ANKFN1: variants seen among roughly 807,000 people sequenced by gnomAD.
ANKFN1 encodes the protein ankyrin repeat and fibronectin type-III domain-containing protein 1.
Under a neutral mutation model 108.7 loss-of-function variants are expected in ANKFN1, and 74 were observed. The observed-to-expected ratio is 0.68, with a 90% CI of 0.56 to 0.83. The LOEUF (loss-of-function observed/expected upper bound fraction) is 0.83, where lower values mean the gene tolerates loss of function less well. Ranked by LOEUF, ANKFN1 falls within the 40% of genes least tolerant of loss-of-function variation. ANKFN1 has a pLI of 0.00. For missense variants in ANKFN1, 1,505 were observed against 1,382.3 expected (o/e 1.09, Z -1.41); for synonymous variants, 547 against 516.2 (o/e 1.06, Z -0.81).
chr17:56,245,784 AT>A (rs1413820338), intron 3 of ANKFN1: 1 of 152,262 alleles, frequency 6.6e-6, no homozygotes, highest in East Asian at 1.9e-4. Context: ...CTACTTTGAC[AT>A]TTCAACACAG....
At chr17:56,244,897 T>C (rs1917847665) in intron 3 of ANKFN1, among the ~76,000 whole-genome samples, 1 of 152,116 alleles carries the variant, frequency 6.6e-6, no homozygotes. Context: ...TTTTGTTCCA[T>C]TCAAATTTCA....
At chr17:56,371,183 C>T in intron 6 of ANKFN1, among the ~76,000 whole-genome samples, 1 of 152,090 alleles carries the variant, frequency 6.6e-6, no homozygotes, top group Non-Finnish European at 1.5e-5. Flanking sequence ...ACATGATTGA[C>T]TGCTACAGCA....
At chr17:56,145,686 C>T (rs1398186498) in intron 4 of ANKFN1, among the ~76,000 whole-genome samples, 1 of 152,132 alleles carries the variant, frequency 6.6e-6, no homozygotes. Context: ...GACACATAGC[C>T]AAACCATATT....
At chr17:56,458,714 G>A (rs2049799328) in intron 14 of ANKFN1, among the ~76,000 whole-genome samples, 3 of 152,224 alleles carry the variant, frequency 2.0e-5, no homozygotes, top group South Asian at 4.2e-4. Flanking sequence ...TGCTACATGG[G>A]ATTGGAGCCA....
In ANKFN1 at chr17:56,218,553, C is replaced by G. The variant is rs192068595; in HGVS notation, c.12+5874C>G. On this transcript the variant is annotated intron_variant, in intron 2 of 20. Transcript: ENST00000682825. Reference sequence around the variant, plus strand: ...AGCACATGCCCTGTCTCGGGGACTTCACACATGTTGTTTTCAGCAAAGAAT... The same window carrying G: ...AGCACATGCCCTGTCTCGGGGACTTGACACATGTTGTTTTCAGCAAAGAAT... Among the ~76,000 whole-genome samples, 370 of 152,246 alleles carry G rather than the reference C, an allele frequency of 2.4e-3. 1 individual carries two copies. Among genetic ancestry groups the G allele is most frequent in the Non-Finnish European group, 4.1e-3 (277 of 68,018 alleles).
At chr17:56,456,785 G>A in intron 11 of ANKFN1, 76 bp from the exon 12 acceptor site, 1 of 1,196,410 alleles carries the variant, frequency 8.4e-7, no homozygotes, top group Non-Finnish European at 1.2e-6. Flanking sequence ...GGGAAGGCAG[G>A]AAGGTAGGAA....
intron 5 of ANKFN1, among the ~76,000 whole-genome samples, chr17:56,352,981 A>G (rs1284628557): frequency 6.6e-6 from 1 of 152,186 alleles, no homozygotes; most frequent in East Asian, 1.9e-4. Context: ...GAGGAAAAAC[A>G]GAGAAAGTGT....
At chr17:56,280,394 C>T (rs1239530870) in intron 3 of ANKFN1, among the ~76,000 whole-genome samples, 1 of 152,132 alleles carries the variant, frequency 6.6e-6, no homozygotes, top group Non-Finnish European at 1.5e-5. Context: ...ATTCTCCTGC[C>T]TTCTAACATC....
At chr17:56,321,029 G>A (rs1354047829) in intron 3 of ANKFN1, among the ~76,000 whole-genome samples, 3 of 146,788 alleles carry the variant, frequency 2.0e-5, no homozygotes, top group Non-Finnish European at 4.5e-5. Flanking sequence ...TCAAGAACTA[G>A]CATGCCCGTG....
intron 4 of ANKFN1, among the ~76,000 whole-genome samples, chr17:56,331,244 G>T (rs2045653987): frequency 6.6e-6 from 1 of 152,096 alleles, no homozygotes; most frequent in African/African-American, 2.4e-5. Context: ...GCAACTGAAA[G>T]TTGCCATAAG....
intron 8 of ANKFN1, among the ~76,000 whole-genome samples, chr17:56,429,001 A>C (rs1023165622): frequency 3.9e-5 from 6 of 152,096 alleles, no homozygotes; most frequent in African/African-American, 1.4e-4. Context: ...TTAGGTGCAG[A>C]GTCTGCACTG....
chr17:56,160,085 CA>C (rs988169050), intron 1 of ANKFN1, among the ~76,000 whole-genome samples: 9 of 152,146 alleles, frequency 5.9e-5, no homozygotes, highest in African/African-American at 2.2e-4. Flanking sequence ...ACAGATGGAG[CA>C]AAAGGGAGAT....
intron 4 of ANKFN1, among the ~76,000 whole-genome samples, chr17:56,335,024 T>C (rs1326587410): frequency 6.6e-6 from 1 of 152,190 alleles, no homozygotes; most frequent in Non-Finnish European, 1.5e-5. Context: ...TTGTCAAAAA[T>C]CAGATGGTCG....
intron 1 of ANKFN1, among the ~76,000 whole-genome samples, chr17:56,183,129 C>G (rs1911849200): frequency 6.6e-6 from 1 of 152,262 alleles, no homozygotes; most frequent in Middle Eastern, 3.4e-3. Context: ...TGTTGTCATG[C>G]CTGCTAACAC....
At chr17:56,243,339 A>G (rs1318039467) in intron 3 of ANKFN1, among the ~76,000 whole-genome samples, 1 of 152,048 alleles carries the variant, frequency 6.6e-6, no homozygotes, top group African/African-American at 2.4e-5. Flanking sequence ...TACCTTTAAT[A>G]GGGGATTATG....
intron 6 of ANKFN1, among the ~76,000 whole-genome samples, chr17:56,369,648 G>A (rs887452617): frequency 2.6e-5 from 4 of 152,086 alleles, no homozygotes; most frequent in Non-Finnish European, 5.9e-5. Context: ...GGTTATATAG[G>A]TCATTAATAA....
chr17:56,249,604 G>T (rs1220908818), intron 3 of ANKFN1, among the ~76,000 whole-genome samples: 3 of 151,986 alleles, frequency 2.0e-5, no homozygotes, highest in Non-Finnish European at 2.9e-5. Context: ...TAAAATAAAG[G>T]TTAGGCAAAC....
intron 1 of ANKFN1, among the ~76,000 whole-genome samples, chr17:56,169,799 C>A (rs1910485252): frequency 6.6e-6 from 1 of 152,078 alleles, no homozygotes; most frequent in South Asian, 2.1e-4. Context: ...CCTGTTCTGC[C>A]CTGTTGGCAG....
At chr17:56,119,057 A>G (rs1906446820) in intron 4 of ANKFN1, among the ~76,000 whole-genome samples, 2 of 152,134 alleles carry the variant, frequency 1.3e-5, no homozygotes. Flanking sequence ...TCTATTTTGA[A>G]CATGTTGATC....
Sources: gnomAD v4.1 joint callset for allele counts (sites outside exome capture counted in the v4.1 genomes callset) on GRCh38, gnomAD v4.1.1 for gene constraint, MANE v1.5 for transcripts, NCBI Gene and HGNC (gene_info 2026-07-23, HGNC 2026-07-21) for gene names.